SLC28A1: variants seen among roughly 807,000 people sequenced by gnomAD.
SLC28A1 encodes solute carrier family 28 member 1, also known as sodium/nucleoside cotransporter 1.
SLC28A1 carries 64 observed loss-of-function variants against 74.8 expected under a neutral mutation model. The ratio of observed to expected loss-of-function variants is 0.86; its 90% CI spans 0.70 to 1.05. SLC28A1 has a LOEUF of 1.05. Among genes scored for constraint, SLC28A1 ranks in the 50% least tolerant of loss-of-function variants. The probability of loss-of-function intolerance (pLI) is 0.00; values close to 1 mark genes in which losing one functional copy is unlikely to be tolerated. For synonymous variants in SLC28A1, 359 were observed against 335.0 expected, an observed-to-expected ratio of 1.07 and a Z score of -0.78; for missense variants, 828 against 822.8, an observed-to-expected ratio of 1.01 and a Z score of -0.08.
chr15:84,923,734 G>A (rs965401768), intron 11 of SLC28A1, among the ~76,000 whole-genome samples: 2 of 152,098 alleles, frequency 1.3e-5, no homozygotes, highest in Non-Finnish European at 2.9e-5. Flanking sequence ...CGTGCTTAGC[G>A]GGGTGCCTGG....
chr15:84,899,313 A>G (rs948842403), intron 6 of SLC28A1, among the ~76,000 whole-genome samples: 7 of 152,168 alleles, frequency 4.6e-5, no homozygotes, highest in African/African-American at 1.2e-4. Context: ...AATATACACA[A>G]TTGAAGTCTC....
chr15:84,903,998 G>A (rs1966851608), intron 6 of SLC28A1, 99 bp from the exon 7 acceptor site: 1 of 1,524,726 alleles, frequency 6.6e-7, no homozygotes, highest in African/African-American at 1.4e-5. Context: ...CCTCCTCCCA[G>A]CCCTGAGCAC....
intron 5 of SLC28A1, among the ~76,000 whole-genome samples, chr15:84,894,477 A>G (rs993949184): frequency 6.6e-6 from 1 of 152,108 alleles, no homozygotes; most frequent in Admixed American, 6.5e-5. Flanking sequence ...AGAGAAGGGC[A>G]AAAGGGGAAA....
At chr15:84,972,807 A>G in the SLC28A1 span, among the ~76,000 whole-genome samples, 1 of 152,230 alleles carries the variant, frequency 6.6e-6, no homozygotes, top group African/African-American at 2.4e-5. Context: ...TGAATTCAAT[A>G]ACACCTTTGA....
At chr15:84,912,544 C>T (rs932747889) in intron 9 of SLC28A1, among the ~76,000 whole-genome samples, 1 of 152,106 alleles carries the variant, frequency 6.6e-6, no homozygotes. Context: ...TCCACCTTGG[C>T]TCTGTCTCCC....
intron 5 of SLC28A1, among the ~76,000 whole-genome samples, chr15:84,890,735 G>C (rs753147061): frequency 2.6e-5 from 4 of 152,216 alleles, no homozygotes; most frequent in African/African-American, 7.2e-5. Context: ...TCATCAGTAA[G>C]GGAGGCGGAA....
At chr15:84,951,177 G>A in the SLC28A1 span, among the ~76,000 whole-genome samples, 3 of 152,132 alleles carry the variant, frequency 2.0e-5, no homozygotes, top group Admixed American at 1.3e-4. Context: ...GCCTGAGGCC[G>A]TGGCTCGCCT....
the SLC28A1 span, among the ~76,000 whole-genome samples, chr15:84,954,982 G>C: frequency 1.4e-4 from 21 of 152,138 alleles, no homozygotes; most frequent in African/African-American, 5.1e-4. Context: ...TTGTTCGCTG[G>C]GACACTCACT....
chr15:84,970,324 A>G, the SLC28A1 span, among the ~76,000 whole-genome samples: 1 of 152,158 alleles, frequency 6.6e-6, no homozygotes, highest in Non-Finnish European at 1.5e-5. Context: ...CACCCCATAC[A>G]TCTCATTGGC....
At chr15:84,915,641 G>A (rs2141874833) in intron 9 of SLC28A1, among the ~76,000 whole-genome samples, 1 of 152,232 alleles carries the variant, frequency 6.6e-6, no homozygotes, top group Admixed American at 6.5e-5. Context: ...GTGCCTCCAA[G>A]TTGCTAAGTC....
the SLC28A1 span, among the ~76,000 whole-genome samples, chr15:84,963,351 G>T: frequency 6.6e-6 from 1 of 152,112 alleles, no homozygotes; most frequent in Admixed American, 6.5e-5. Context: ...GCATCCACTT[G>T]TGTTTCCCTG....
chr15:84,893,707 CTCTCT>C (rs1205763698), intron 5 of SLC28A1, among the ~76,000 whole-genome samples: 1 of 152,140 alleles, frequency 6.6e-6, no homozygotes, highest in African/African-American at 2.4e-5. Context: ...GGTCTCCCGC[CTCTCT>C]TCTCTTCAGG....
chr15:84,896,132 C>T (rs1000629892), intron 6 of SLC28A1: 1 of 201,934 alleles, frequency 5.0e-6, no homozygotes, highest in African/African-American at 2.4e-5. Context: ...TGCAGATAAA[C>T]TGGACTTCAT....
chr15:84,888,468 C>T (rs1964870525), intron 3 of SLC28A1, among the ~76,000 whole-genome samples: 1 of 151,834 alleles, frequency 6.6e-6, no homozygotes, highest in Non-Finnish European at 1.5e-5. Flanking sequence ...TGAGGTAGCC[C>T]TGCCTGGGGC....
intron 11 of SLC28A1, among the ~76,000 whole-genome samples, chr15:84,921,891 A>G (rs1042397155): frequency 7.9e-5 from 12 of 152,374 alleles, no homozygotes; most frequent in African/African-American, 2.9e-4. Flanking sequence ...AATGCAAAGC[A>G]GTTATTCTAT....
Position 84,945,530 on chromosome 15 carries a change from C to A in SLC28A1, c.*330C>A. 1 of 383,272 alleles carries A rather than the reference C, an allele frequency of 2.6e-6. No individual in the cohort carries two copies. The highest frequency in any genetic ancestry group is 2.1e-5 in the South Asian group (1 of 46,992). 23.7% of individuals were successfully genotyped at this position (383,272 alleles called of 1,614,324 possible). A position where few individuals can be genotyped will look rare whatever the true frequency, so the allele number is the denominator to read the frequency against. On this transcript the variant is annotated 3_prime_UTR_variant, in exon 19 of 19. Transcript: ENST00000394573. ...TCTCTATCCCCCCTCTCCTGGGGTC[C>A]CTCACATGCCCCTTCCCTTCTGTTG... is the stretch of plus-strand genomic sequence containing the variant.
At chr15:84,947,483 A>G (rs925539005), downstream of SLC28A1, among the ~76,000 whole-genome samples, 1 of 152,246 alleles carries the variant, frequency 6.6e-6, no homozygotes, top group African/African-American at 2.4e-5. Flanking sequence ...CCACTTGAAT[A>G]TAGGGCTCAC....
downstream of SLC28A1, among the ~76,000 whole-genome samples, chr15:84,946,094 ATATATATATATATATATATTTTTT>A (rs2079204851): frequency 7.1e-5 from 1 of 14,184 alleles, no homozygotes; most frequent in South Asian, 4.2e-3. Flanking sequence ...TCATATATAT[ATATATATATATATATATATTTTTT>A]TTTTTTTTTT....
intron 6 of SLC28A1, among the ~76,000 whole-genome samples, chr15:84,903,836 T>G (rs903413511): frequency 4.6e-5 from 7 of 152,156 alleles, no homozygotes; most frequent in African/African-American, 1.7e-4. Context: ...TCAACAACCT[T>G]GAGAAATGAG....
Sources: allele counts gnomAD v4.1 joint callset (sites outside exome capture counted in the v4.1 genomes callset), GRCh38; gene constraint gnomAD v4.1.1; transcripts MANE v1.5; gene names NCBI Gene and HGNC (gene_info 2026-07-23, HGNC 2026-07-21).